KLHL5: variants seen among roughly 807,000 people sequenced by gnomAD.
KLHL5 encodes kelch like family member 5.
KLHL5 carries 48 observed loss-of-function variants against 77.7 expected under a neutral mutation model. That is an observed-to-expected ratio of 0.62 (90% CI 0.49 to 0.79). The LOEUF is 0.79. KLHL5 is among the 30% of genes least tolerant of loss of function. The pLI is 0.00. For synonymous variants in KLHL5, 260 were observed against 297.0 expected (o/e 0.88, Z 1.28); for missense variants, 723 against 859.7 (o/e 0.84, Z 1.99).
At chr4:39,119,914 G>T (rs949804034) in intron 10 of KLHL5, among the ~76,000 whole-genome samples, 2 of 119,626 alleles carry the variant, frequency 1.7e-5, no homozygotes, top group Non-Finnish European at 3.9e-5. Flanking sequence ...AATAAGTATG[G>T]TTTTAAAATA....
chr4:39,109,178 T>C (rs1722263247), intron 8 of KLHL5, among the ~76,000 whole-genome samples: 1 of 152,226 alleles, frequency 6.6e-6, no homozygotes, highest in Non-Finnish European at 1.5e-5. Context: ...CAACGATGCA[T>C]CTTTTCTTAT....
downstream of KLHL5, among the ~76,000 whole-genome samples, chr4:39,129,463 C>T (rs549144976): frequency 6.6e-6 from 1 of 152,322 alleles, no homozygotes; most frequent in East Asian, 1.9e-4. This position sits in a 1 kb window ranked among gnomAD's most constrained non-coding sequence, Gnocchi z 4.2. Context: ...CCGCCTTGGC[C>T]TCCCAAAGTG....
chr4:39,108,275 G>A (rs1159837979), intron 8 of KLHL5, among the ~76,000 whole-genome samples: 1 of 151,976 alleles, frequency 6.6e-6, no homozygotes, highest in Non-Finnish European at 1.5e-5. Context: ...ATCACTAATA[G>A]CTCTCAGTTA....
chr4:39,081,975 TAAA>T lies in KLHL5; in HGVS notation c.718_720del (p.Lys240del), dbSNP rs1374022314. 6 of 1,588,414 alleles carry T rather than the reference TAAA, an allele frequency of 3.8e-6. No homozygotes were observed. Among genetic ancestry groups the T allele is most frequent in the Non-Finnish European group, 5.1e-6 (6 of 1,169,828 alleles). Reference sequence around the variant, plus strand: ...TTTTATCATTAAGGCCGCCTTGAATTAAAAGAAGATAATATTGAGTGCCTGTTA... The same window carrying T: ...TTTTATCATTAAGGCCGCCTTGAATTAGAAGATAATATTGAGTGCCTGTTA... On this transcript the variant is annotated inframe_deletion, in exon 4 of 11. Transcript: ENST00000504108. The surrounding 1 kb of genome is among the most constrained non-coding windows in gnomAD (Gnocchi z 4.3).
upstream of KLHL5, among the ~76,000 whole-genome samples, chr4:39,059,865 C>T (rs570065609): frequency 6.6e-6 from 1 of 152,216 alleles, no homozygotes; most frequent in Non-Finnish European, 1.5e-5. Context: ...CACCACTGTA[C>T]TCTTGCCTGG....
chr4:39,107,467 A>G (rs558305504), intron 7 of KLHL5, 102 bp from the exon 8 acceptor site: 52 of 626,234 alleles, frequency 8.3e-5, no homozygotes, highest in Non-Finnish European at 1.4e-5. Flanking sequence ...ACTCAGTTCT[A>G]TTTGTATGTT....
chr4:39,120,991 A>T lies in KLHL5; in HGVS notation c.2074-19A>T. On this transcript the variant is annotated intron_variant, in intron 10 of 10. Coordinates refer to ENST00000504108, the MANE Select transcript of KLHL5 (RefSeq NM_015990.5). ...ATTTTAACCTACAGATCCAATACAT[A>T]TCTCTTTTTCCTTTTTAGGTTGCTC... The T allele has an allele frequency of 9.4e-6, 15 of 1,598,886 alleles. No homozygotes were observed. Among genetic ancestry groups the T allele is most frequent in the Non-Finnish European group, 1.3e-5 (15 of 1,166,134 alleles).
At position 39,098,954 on chromosome 4, in the gene KLHL5, GA is replaced by G. The variant is rs1721316106; in HGVS notation, c.1300+2078del. ...AACATTTGGGAAAACTGGGTCAAAG[GA>G]ATCTTAAGAATTCTTTGTACCACTC... On this transcript the variant is annotated intron_variant, in intron 6 of 10. Coordinates refer to ENST00000504108, the MANE Select transcript of KLHL5 (RefSeq NM_015990.5). Among the ~76,000 whole-genome samples the G allele has an allele frequency of 3.9e-5, 6 of 152,198 alleles. No individual in the cohort carries two copies. In the South Asian group the frequency reaches 1.2e-3, roughly 32 times the overall value.
At chr4:39,059,376 C>T (rs1717218250), upstream of KLHL5, among the ~76,000 whole-genome samples, 1 of 152,038 alleles carries the variant, frequency 6.6e-6, no homozygotes, top group African/African-American at 2.4e-5. Flanking sequence ...AGTTATTCAG[C>T]CACATTAATA....
At chr4:39,105,832 A>G (rs1268673373) in intron 7 of KLHL5, among the ~76,000 whole-genome samples, 4 of 152,010 alleles carry the variant, frequency 2.6e-5, no homozygotes, top group Admixed American at 2.0e-4. Flanking sequence ...GAGTGGAACA[A>G]TCTGTTGATT....
At chr4:39,051,699 TA>T (rs1560401498) in intron 1 of KLHL5, among the ~76,000 whole-genome samples, 1 of 75,912 alleles carries the variant, frequency 1.3e-5, no homozygotes, top group African/African-American at 4.5e-5. Context: ...TGCCTTGGCT[TA>T]AAAAAAGAAA....
rs878872101 is a variant in KLHL5 at position 39,076,048 on chromosome 4, A to G, written c.467A>G (p.His156Arg). 2 of 1,611,254 alleles carry G rather than the reference A, an allele frequency of 1.2e-6. No homozygotes were observed. The highest frequency in any genetic ancestry group is 1.1e-5 in the South Asian group (1 of 90,216). ...GATGAATTTTTCCAAGCCCTTAATC[A>G]TGCCGAGCAAACATTTAAAAAAATG... is the stretch of plus-strand genomic sequence containing the variant. ...TSDEFFQALN[H>R]AEQTFKKMEN... The change falls in exon 2 of 11, where the codon CAT (histidine) becomes CGT (arginine). Residue 156 changes from histidine (H) to arginine (R), a missense_variant. By Grantham distance (29) the His-to-Arg change is conservative. Coordinates refer to ENST00000504108, the MANE Select transcript of KLHL5 (RefSeq NM_015990.5).
chr4:39,046,566 TAGTG>T (rs1005599252), intron 1 of KLHL5, among the ~76,000 whole-genome samples: 7 of 151,920 alleles, frequency 4.6e-5, no homozygotes, highest in Non-Finnish European at 7.4e-5. Flanking sequence ...CTGGGCAACA[TAGTG>T]AGACCCCTGC....
intron 2 of KLHL5, among the ~76,000 whole-genome samples, chr4:39,080,135 T>G (rs922607300): frequency 3.9e-5 from 6 of 152,162 alleles, no homozygotes; most frequent in African/African-American, 1.4e-4. Flanking sequence ...GTATCATAAT[T>G]TTTATTACTT....
chr4:39,088,266 A>G (rs955486445), intron 5 of KLHL5, among the ~76,000 whole-genome samples: 1 of 152,212 alleles, frequency 6.6e-6, no homozygotes, highest in Non-Finnish European at 1.5e-5. Context: ...TCTCTTATCC[A>G]GGATACTGCT....
At chr4:39,117,492 G>A (rs1319203046) in intron 10 of KLHL5, among the ~76,000 whole-genome samples, 1 of 152,124 alleles carries the variant, frequency 6.6e-6, no homozygotes, top group East Asian at 1.9e-4. Context: ...GATTGCTTCA[G>A]TTGCAAGGCT....
At chr4:39,117,201 T>C (rs1437623797) in intron 10 of KLHL5, among the ~76,000 whole-genome samples, 2 of 151,996 alleles carry the variant, frequency 1.3e-5, no homozygotes, top group East Asian at 3.9e-4. Flanking sequence ...CTTGGGAGGC[T>C]GAGGCGGAAG....
At position 39,124,802 on chromosome 4, in the gene KLHL5, CAAA is replaced by C. The variant is rs71643268; in HGVS notation, c.*3758_*3760del. ...GCACCAAAAGCACAAGCAACAACAGCAAAAAAAAAAAAAAAAAAAAAAAATCAA... is the reference window on the plus strand; with the variant it reads ...GCACCAAAAGCACAAGCAACAACAGCAAAAAAAAAAAAAAAAAAAAATCAA... On this transcript the variant is annotated 3_prime_UTR_variant, in exon 11 of 11. Coordinates refer to ENST00000504108, the MANE Select transcript of KLHL5 (RefSeq NM_015990.5). 0.017 allele frequency among the ~76,000 whole-genome samples: 754 copies of C among 44,084 alleles called. 4 individuals are homozygous for C. Among genetic ancestry groups the C allele is most frequent in the African/African-American group, 0.049 (666 of 13,526 alleles). The allele number at this position is 44,084 out of a possible 152,430, so 28.9% of individuals were successfully genotyped here.
At chr4:39,050,744 A>G (rs1043776861) in intron 1 of KLHL5, among the ~76,000 whole-genome samples, 1 of 152,248 alleles carries the variant, frequency 6.6e-6, no homozygotes, top group African/African-American at 2.4e-5. Flanking sequence ...ATAGCTTTCA[A>G]TCAAAGAAAC....
Sources: gnomAD v4.1 joint callset for allele counts (sites outside exome capture counted in the v4.1 genomes callset) on GRCh38, gnomAD v4.1.1 for gene constraint, Gnocchi (gnomAD v3.1) non-coding constraint, MANE v1.5 for transcripts, NCBI Gene and HGNC (gene_info 2026-07-23, HGNC 2026-07-21) for gene names.